The following UNC13C variants were observed in gnomAD, a reference collection of about 807,000 sequenced individuals.
The protein encoded by UNC13C is unc-13 homolog C.
Under a neutral mutation model 245.4 loss-of-function variants are expected in UNC13C, and 174 were observed. The ratio of observed to expected loss-of-function variants is 0.71; its 90% confidence interval spans 0.63 to 0.80. UNC13C has a LOEUF of 0.80. Among genes scored for constraint, UNC13C ranks in the 30% least tolerant of loss-of-function variants. The pLI is 0.00. For synonymous variants in UNC13C, 992 were observed against 895.1 expected, an observed-to-expected ratio of 1.11 and a Z score of -1.93; for missense variants, 2,829 against 2,602.9, an observed-to-expected ratio of 1.09 and a Z score of -1.89.
intron 2 of UNC13C, among the ~76,000 whole-genome samples, chr15:54,043,281 G>A (rs145453066): frequency 4.6e-5 from 7 of 152,306 alleles, no homozygotes; most frequent in African/African-American, 1.2e-4. Context: ...GCAACAGACA[G>A]AGAATTTGGG....
At chr15:54,506,083 T>C (rs1207036547) in intron 22 of UNC13C, among the ~76,000 whole-genome samples, 1 of 152,132 alleles carries the variant, frequency 6.6e-6, no homozygotes, top group East Asian at 1.9e-4. Context: ...CTGTAGGATG[T>C]AGGGGAAGCA....
intron 29 of UNC13C, among the ~76,000 whole-genome samples, chr15:54,555,958 G>T (rs576250494): frequency 6.6e-6 from 1 of 151,874 alleles, no homozygotes; most frequent in Non-Finnish European, 1.5e-5. Context: ...CTCCCTTCTC[G>T]CTTAGTAAGT....
intron 30 of UNC13C, among the ~76,000 whole-genome samples, chr15:54,594,310 A>G (rs538818933): frequency 1.2e-4 from 18 of 152,210 alleles, no homozygotes; most frequent in African/African-American, 4.3e-4. Context: ...ACCTCCTGCC[A>G]GGAGGTGGCG....
intron 26 of UNC13C, among the ~76,000 whole-genome samples, chr15:54,545,766 C>T (rs1187159181): frequency 6.6e-6 from 1 of 152,162 alleles, no homozygotes; most frequent in African/African-American, 2.4e-5. Context: ...ATCAAAACCA[C>T]AGTGAGATAC....
chr15:54,275,962 G>C (rs1319121652), intron 10 of UNC13C, among the ~76,000 whole-genome samples: 1 of 152,006 alleles, frequency 6.6e-6, no homozygotes, highest in Non-Finnish European at 1.5e-5. Context: ...ATGAGCTGTA[G>C]GTATACACAA....
At chr15:54,326,086 G>C (rs940466780) in intron 14 of UNC13C, among the ~76,000 whole-genome samples, 1 of 151,976 alleles carries the variant, frequency 6.6e-6, no homozygotes, top group Non-Finnish European at 1.5e-5. Flanking sequence ...GAATGAGAAA[G>C]GACAAACTCT....
chr15:54,451,704 G>A (rs776310694), intron 19 of UNC13C, among the ~76,000 whole-genome samples: 2 of 151,892 alleles, frequency 1.3e-5, no homozygotes, highest in Admixed American at 6.6e-5. Context: ...GTATTGTGTT[G>A]TTCCTTACTG....
At chr15:54,434,785 G>C (rs1478180557) in intron 19 of UNC13C, among the ~76,000 whole-genome samples, 1 of 152,056 alleles carries the variant, frequency 6.6e-6, no homozygotes, top group Non-Finnish European at 1.5e-5. Context: ...ACTATGATCA[G>C]AGAGAACAGA....
At chr15:54,457,892 G>GTTTTTTTTTTTTTTTTTT (rs34133938) in intron 19 of UNC13C, among the ~76,000 whole-genome samples, 2 of 122,992 alleles carry the variant, frequency 1.6e-5, no homozygotes, top group African/African-American at 3.1e-5. Context: ...TCTGCTTTTC[G>GTTTTTTTTTTTTTTTTTT]TTTTTTTTTT....
At chr15:54,446,117 A>G (rs961999299) in intron 19 of UNC13C, among the ~76,000 whole-genome samples, 2 of 152,018 alleles carry the variant, frequency 1.3e-5, no homozygotes, top group African/African-American at 4.8e-5. Context: ...GTGTGGTATT[A>G]TTTCTGAGGG....
intron 2 of UNC13C, among the ~76,000 whole-genome samples, chr15:54,062,041 C>T (rs1005181912): frequency 2.6e-5 from 4 of 151,980 alleles, no homozygotes; most frequent in African/African-American, 7.3e-5. Context: ...CATCCTCAGT[C>T]GGGCGTGGTG....
At chr15:54,519,741 C>A (rs191749851) in intron 24 of UNC13C, among the ~76,000 whole-genome samples, 1 of 152,220 alleles carries the variant, frequency 6.6e-6, no homozygotes, top group East Asian at 1.9e-4. Flanking sequence ...ACATTTGTTT[C>A]CGGTAGAGAG....
At chr15:53,973,171 T>C in the UNC13C span, among the ~76,000 whole-genome samples, 9 of 152,106 alleles carry the variant, frequency 5.9e-5, no homozygotes, top group African/African-American at 2.2e-4. Context: ...AAAGAATGGC[T>C]CTTTGGTATT....
the UNC13C span, among the ~76,000 whole-genome samples, chr15:53,950,951 T>C: frequency 5.1e-3 from 778 of 152,290 alleles, 8 homozygotes; most frequent in Middle Eastern, 0.054. Flanking sequence ...AAATGTAATA[T>C]AGCAATCTAG....
chr15:53,967,181 TC>T, the UNC13C span, among the ~76,000 whole-genome samples: 11 of 152,084 alleles, frequency 7.2e-5, no homozygotes, highest in Non-Finnish European at 1.6e-4. Context: ...TGTGAGCCTG[TC>T]TTTATGTCAT....
intron 2 of UNC13C, among the ~76,000 whole-genome samples, chr15:54,122,280 G>C (rs2030721109): frequency 6.6e-6 from 1 of 151,882 alleles, no homozygotes; most frequent in Admixed American, 6.6e-5. Flanking sequence ...ATCAGATCAA[G>C]GAAATTTCTG....
chr15:54,352,599 T>G (rs774303812), intron 17 of UNC13C, among the ~76,000 whole-genome samples: 2 of 151,930 alleles, frequency 1.3e-5, no homozygotes, highest in Non-Finnish European at 2.9e-5. Flanking sequence ...AATACAGCAA[T>G]TAATTATGCT....
chr15:54,185,005 T>A (rs1168109921), intron 4 of UNC13C, among the ~76,000 whole-genome samples: 1 of 152,188 alleles, frequency 6.6e-6, no homozygotes, highest in Admixed American at 6.5e-5. Context: ...GATTTGCATT[T>A]CTCTGATGGC....
chr15:54,560,905 C>T (rs1897274610), intron 29 of UNC13C, among the ~76,000 whole-genome samples: 1 of 151,978 alleles, frequency 6.6e-6, no homozygotes, highest in Admixed American at 6.6e-5. Context: ...AAACGCTTCA[C>T]AAATATTAAG....
Sources: gnomAD v4.1 joint callset for allele counts (sites outside exome capture counted in the v4.1 genomes callset) on GRCh38, gnomAD v4.1.1 for gene constraint, MANE v1.5 for transcripts, NCBI Gene and HGNC (gene_info 2026-07-23, HGNC 2026-07-21) for gene names.